Variants in CELF2 observed in about 807,000 individuals in gnomAD.
The protein encoded by CELF2 is CUGBP Elav-like family member 2.
Under a neutral mutation model 62.6 loss-of-function variants are expected in CELF2, and 8 were observed. The ratio of observed to expected loss-of-function variants is 0.13; its 90% confidence interval spans 0.07 to 0.23. The LOEUF (loss-of-function observed/expected upper bound fraction) is 0.23. Among genes scored for constraint, CELF2 ranks in the 10% least tolerant of loss-of-function variants. The probability of loss-of-function intolerance (pLI) is 1.00; values close to 1 mark genes in which losing one functional copy is unlikely to be tolerated. For synonymous variants in CELF2, 258 were observed against 250.0 expected (o/e 1.03, Z -0.30); for missense variants, 333 against 671.0 (o/e 0.50, Z 5.56).
chr10:10,519,638 T>C, the CELF2 span, among the ~76,000 whole-genome samples: 1 of 152,172 alleles, frequency 6.6e-6, no homozygotes, highest in Non-Finnish European at 1.5e-5. Flanking sequence ...AAGTAAACAA[T>C]TTCGGGTTGT....
chr10:11,049,712 A>C (rs1236464856), intron 1 of CELF2, among the ~76,000 whole-genome samples: 5 of 152,248 alleles, frequency 3.3e-5, no homozygotes, highest in Non-Finnish European at 7.4e-5. Context: ...ACTCATAATG[A>C]CTTGCCTGCC....
chr10:10,832,733 G>T (rs1467632741), intron 1 of CELF2, among the ~76,000 whole-genome samples: 1 of 152,096 alleles, frequency 6.6e-6, no homozygotes, highest in African/African-American at 2.4e-5. Flanking sequence ...TCTCAAAGTT[G>T]CTTCTCCCTT....
intron 1 of CELF2, among the ~76,000 whole-genome samples, chr10:10,887,013 G>A (rs1354066246): frequency 6.6e-6 from 1 of 152,182 alleles, no homozygotes; most frequent in African/African-American, 2.4e-5. Flanking sequence ...TCCTGAATTT[G>A]CAGTTTCAAA....
intron 3 of CELF2, among the ~76,000 whole-genome samples, chr10:11,241,494 T>G (rs1229393899): frequency 2.0e-5 from 3 of 152,240 alleles, no homozygotes; most frequent in Non-Finnish European, 4.4e-5. Flanking sequence ...GTGACCGCGC[T>G]GGGCCAGCTG....
intron 9 of CELF2, among the ~76,000 whole-genome samples, chr10:11,304,129 C>G (rs2094005314): frequency 6.6e-6 from 1 of 152,164 alleles, no homozygotes; most frequent in African/African-American, 2.4e-5. Context: ...ACCCAGCAGA[C>G]TCACTGGGCT....
chr10:11,215,030 C>G (rs2062942674), intron 2 of CELF2, among the ~76,000 whole-genome samples: 1 of 152,238 alleles, frequency 6.6e-6, no homozygotes. Flanking sequence ...AAACCACCCA[C>G]CTTCTTTTCA....
chr10:11,006,353 A>G (rs967386937), intron 1 of CELF2, among the ~76,000 whole-genome samples: 1 of 152,206 alleles, frequency 6.6e-6, no homozygotes, highest in African/African-American at 2.4e-5. Flanking sequence ...GTGCTTTTAA[A>G]AAATTTAGTA....
At chr10:10,534,213 T>C in the CELF2 span, among the ~76,000 whole-genome samples, 1 of 68,726 alleles carries the variant, frequency 1.5e-5, no homozygotes, top group Non-Finnish European at 2.7e-5. Flanking sequence ...TGAGGAGTTG[T>C]TAAAAAAAAA....
chr10:10,590,086 T>C, the CELF2 span, among the ~76,000 whole-genome samples: 2 of 152,132 alleles, frequency 1.3e-5, no homozygotes, highest in African/African-American at 4.8e-5. Flanking sequence ...GGGGTTTTAT[T>C]TGCCTCCAGG....
At chr10:10,824,873 T>C (rs931257489) in intron 1 of CELF2, among the ~76,000 whole-genome samples, 11 of 152,196 alleles carry the variant, frequency 7.2e-5, no homozygotes, top group African/African-American at 2.7e-4. Context: ...TCTTTGAGCC[T>C]CTGATTAAGA....
At position 11,156,004 on chromosome 10, in the gene CELF2, G is replaced by T. The variant is rs2064301184; in HGVS notation, c.75-9482G>T. On this transcript the variant is annotated intron_variant, in intron 1 of 12. Coordinates refer to ENST00000633077, the MANE Select transcript of CELF2 (RefSeq NM_001326342.2). This position sits in a 1 kb window ranked among gnomAD's most constrained non-coding sequence, Gnocchi z 4.3. ...ATGGACAGATAATCAGCATTTAACA[G>T]AAAAGTAGGTGGAGTTCTGAATGCC... is the stretch of plus-strand genomic sequence containing the variant. 6.6e-6 allele frequency among the ~76,000 whole-genome samples: 1 copy of T among 152,212 alleles called. No individual in the cohort carries two copies. The highest frequency in any genetic ancestry group is 1.5e-5 in the Non-Finnish European group (1 of 68,040).
chr10:11,019,714 G>C (rs1304745669), intron 1 of CELF2, among the ~76,000 whole-genome samples: 2 of 152,130 alleles, frequency 1.3e-5, no homozygotes, highest in Non-Finnish European at 2.9e-5. Flanking sequence ...TCCGTATTCT[G>C]TTTTGGTAGT....
At chr10:11,106,437 A>G (rs1362785565) in intron 1 of CELF2, among the ~76,000 whole-genome samples, 1 of 152,152 alleles carries the variant, frequency 6.6e-6, no homozygotes, top group Non-Finnish European at 1.5e-5. Flanking sequence ...AGGTTTTGCC[A>G]TGTTGGCCAG....
chr10:11,008,704 A>G lies in CELF2; in HGVS notation c.53+3264A>G, dbSNP rs1241110596. 6.6e-6 allele frequency among the ~76,000 whole-genome samples: 1 copy of G among 152,104 alleles called. No homozygotes were observed. Among genetic ancestry groups the G allele is most frequent in the Non-Finnish European group, 1.5e-5 (1 of 68,034 alleles). ...GCACAAGGAAGAGTGTTACGTGGGGACGATCATTCTGTATTTAAGGTGTCA... is the reference window on the plus strand; with the variant it reads ...GCACAAGGAAGAGTGTTACGTGGGGGCGATCATTCTGTATTTAAGGTGTCA... On this transcript the variant is annotated intron_variant, in intron 1 of 12. Coordinates refer to the CELF2 transcript ENST00000416382. This position sits in a 1 kb window ranked among gnomAD's most constrained non-coding sequence, Gnocchi z 4.5.
intron 2 of CELF2, among the ~76,000 whole-genome samples, chr10:11,203,013 A>G (rs1049030174): frequency 3.3e-5 from 5 of 150,722 alleles, no homozygotes; most frequent in Admixed American, 1.3e-4. Flanking sequence ...AAGGGCTAAA[A>G]AGACTCAGAA....
the CELF2 span, among the ~76,000 whole-genome samples, chr10:10,725,333 A>C: frequency 2.0e-5 from 3 of 152,230 alleles, no homozygotes; most frequent in Non-Finnish European, 2.9e-5. Flanking sequence ...GGTGATAAAC[A>C]AACTGAATCC....
the CELF2 span, among the ~76,000 whole-genome samples, chr10:10,607,016 G>A: frequency 3.3e-5 from 5 of 152,060 alleles, no homozygotes; most frequent in Non-Finnish European, 7.4e-5. Context: ...AAAAAACAAA[G>A]AAAAATATTG....
In CELF2 at chr10:11,319,153, T is replaced by A; in HGVS notation, c.1097-2036T>A. Reference sequence around the variant, plus strand: ...ATTTCCTCCACACGGGCATCTGCATTTCCAGAGGACTGTGCCCAGAGTGCG... The same window carrying A: ...ATTTCCTCCACACGGGCATCTGCATATCCAGAGGACTGTGCCCAGAGTGCG... On this transcript the variant is annotated intron_variant, in intron 10 of 12. Coordinates refer to ENST00000633077, the MANE Select transcript of CELF2 (RefSeq NM_001326342.2). The surrounding 1 kb of genome is among the most constrained non-coding windows in gnomAD (Gnocchi z 4.4). 2.1e-6 allele frequency: 1 copy of A among 468,256 alleles called. No homozygotes were observed. Among genetic ancestry groups the A allele is most frequent in the South Asian group, 1.6e-5 (1 of 64,070 alleles). The allele number at this position is 468,256 out of a possible 1,614,324, so 29.0% of individuals were successfully genotyped here. A position where few individuals can be genotyped will look rare whatever the true frequency, so the allele number is the denominator to read the frequency against.
At chr10:10,485,937 T>C in the CELF2 span, among the ~76,000 whole-genome samples, 1 of 152,158 alleles carries the variant, frequency 6.6e-6, no homozygotes, top group Non-Finnish European at 1.5e-5. Flanking sequence ...TTCATCAAAG[T>C]TTGTGATCAG....
Sources: gnomAD v4.1 joint callset for allele counts (sites outside exome capture counted in the v4.1 genomes callset) on GRCh38, gnomAD v4.1.1 for gene constraint, Gnocchi (gnomAD v3.1) non-coding constraint, MANE v1.5 for transcripts, NCBI Gene and HGNC (gene_info 2026-07-23, HGNC 2026-07-21) for gene names.